The following AASDH variants were observed in gnomAD, a reference collection of about 807,000 sequenced individuals.
AASDH encodes the protein beta-alanine-activating enzyme.
AASDH carries 81 observed loss-of-function variants against 102.3 expected under a neutral mutation model. The ratio of observed to expected loss-of-function variants is 0.79; its 90% CI spans 0.66 to 0.95. The LOEUF (loss-of-function observed/expected upper bound fraction) is 0.95. AASDH is among the 40% of genes least tolerant of loss of function. The pLI is 0.00. For synonymous variants in AASDH, 398 were observed against 454.0 expected (o/e 0.88, Z 1.57); for missense variants, 1,203 against 1,266.2 (o/e 0.95, Z 0.76).
chr4:56,362,258 T>C (rs1053106845), intron 5 of AASDH, among the ~76,000 whole-genome samples: 8 of 151,978 alleles, frequency 5.3e-5, no homozygotes, highest in African/African-American at 1.9e-4. Context: ...GACAGCTTTT[T>C]TTTTCTTTGT....
Position 56,353,464 on chromosome 4 carries a change from G to C in AASDH, c.1516C>G (p.Pro506Ala), listed in dbSNP as rs1749228255. ...AGCTCATCCGGGACTGCATGACTTGGAAGATATTTCTGCAGTTCTTTAAAG... is the reference window on the plus strand; with the variant it reads ...AGCTCATCCGGGACTGCATGACTTGCAAGATATTTCTGCAGTTCTTTAAAG... ...YIFKELQKYL[P>A]SHAVPDELVL... is the part of the protein sequence containing the mutation. The change falls in exon 9 of 15, where the codon CCA becomes GCA. Residue 506 changes from proline (P) to alanine (A), a missense_variant. Physicochemically the swap from Pro to Ala is conservative, Grantham distance 27. Transcript: ENST00000205214. The C allele has an allele frequency of 6.2e-7, 1 of 1,613,884 alleles. No individual in the cohort carries two copies. Among genetic ancestry groups the C allele is most frequent in the Non-Finnish European group, 8.5e-7 (1 of 1,179,926 alleles).
intron 5 of AASDH, 132 bp downstream of exon 5, chr4:56,371,319 G>C: frequency 1.2e-6 from 1 of 868,716 alleles, no homozygotes. Flanking sequence ...ACATCCTGAG[G>C]AGACGGCCCT....
chr4:56,378,612 C>A (rs1752619817), intron 3 of AASDH, 148 bp from the exon 4 acceptor site: 5 of 692,332 alleles, frequency 7.2e-6, no homozygotes, highest in Non-Finnish European at 1.2e-5. Context: ...TCTGAAGATG[C>A]TCAAGTCCCT....
At chr4:56,377,878 C>T (rs1752535680) in intron 4 of AASDH, among the ~76,000 whole-genome samples, 1 of 152,162 alleles carries the variant, frequency 6.6e-6, no homozygotes, top group African/African-American at 2.4e-5. Flanking sequence ...AGTCTCAGCT[C>T]ACTGCAACCT....
At chr4:56,357,122 T>C (rs1749731733) in intron 5 of AASDH, among the ~76,000 whole-genome samples, 3 of 152,202 alleles carry the variant, frequency 2.0e-5, no homozygotes, top group Admixed American at 2.0e-4. Flanking sequence ...AGTAAAACCA[T>C]CACCACAATC....
intron 5 of AASDH, among the ~76,000 whole-genome samples, chr4:56,360,485 T>C (rs575269848): frequency 7.9e-5 from 12 of 152,234 alleles, no homozygotes; most frequent in Non-Finnish European, 1.6e-4. Flanking sequence ...GGGGTGGGGA[T>C]GATAGGAGCA....
At chr4:56,338,893 C>CTAT (rs1747259031) in intron 14 of AASDH, 102 bp from the exon 15 acceptor site, 2 of 1,163,138 alleles carry the variant, frequency 1.7e-6, no homozygotes, top group South Asian at 1.5e-5. Flanking sequence ...GAGATATAGG[C>CTAT]TATTTGAATG....
At chr4:56,363,164 C>T (rs1019285226) in intron 5 of AASDH, among the ~76,000 whole-genome samples, 6 of 152,326 alleles carry the variant, frequency 3.9e-5, no homozygotes, top group South Asian at 2.1e-4. Context: ...AAGGCGGCAG[C>T]GAGGCTGGGG....
Position 56,360,207 on chromosome 4 carries a change from C to T in AASDH, c.862-4784G>A, listed in dbSNP as rs532319241. ...CTGTCTCTTATGTGCATGAACACAGCCTCAGGTTCAGTCAGGAGTTGCATC... is the reference window on the plus strand; with the variant it reads ...CTGTCTCTTATGTGCATGAACACAGTCTCAGGTTCAGTCAGGAGTTGCATC... On this transcript the variant is annotated intron_variant, in intron 5 of 14. Coordinates refer to ENST00000205214, the MANE Select transcript of AASDH (RefSeq NM_181806.4). Among the ~76,000 whole-genome samples, 6 of 152,258 alleles carry T rather than the reference C, an allele frequency of 3.9e-5. No homozygotes were observed. In the East Asian group the frequency reaches 9.7e-4, roughly 24 times the overall value.
rs1354599856 is a variant in AASDH, at chr4:56,357,140, T to C, written c.862-1717A>G. 3.7e-4 allele frequency among the ~76,000 whole-genome samples: 57 copies of C among 152,138 alleles called. 1 individual carries two copies. Among genetic ancestry groups the C allele is most frequent in the Admixed American group, 3.7e-3 (57 of 15,270 alleles). ...AAAACCATCACCACAATCAAAATAA[T>C]GAACATAACTGTCTTAGTTGATTTG... On this transcript the variant is annotated intron_variant, in intron 5 of 14. Coordinates refer to ENST00000205214, the MANE Select transcript of AASDH (RefSeq NM_181806.4).
chr4:56,352,003 TC>T (rs1749079173), intron 9 of AASDH, among the ~76,000 whole-genome samples: 1 of 151,982 alleles, frequency 6.6e-6, no homozygotes. Context: ...AGGAAATAGT[TC>T]CATTACCTGA....
In AASDH at chr4:56,342,901, G is replaced by GCAAC; in HGVS notation, c.2837_2840dup (p.Cys947TrpfsTer53). 1 of 1,593,374 alleles carries GCAAC rather than the reference G, an allele frequency of 6.3e-7. No homozygotes were observed. Among genetic ancestry groups the GCAAC allele is most frequent in the South Asian group, 1.1e-5 (1 of 88,350 alleles). Reference sequence around the variant, plus strand: ...CACAGCCAATACAAATATACTGTGAGCAACATTGTGGGGAAGAGAAGAGTG... The same window carrying GCAAC: ...CACAGCCAATACAAATATACTGTGAGCAACCAACATTGTGGGGAAGAGAAGAGTG... On this transcript the variant is annotated frameshift_variant, in exon 14 of 15. Coordinates refer to ENST00000205214, the MANE Select transcript of AASDH (RefSeq NM_181806.4). LOFTEE classifies it high-confidence loss of function.
chr4:56,386,216 T>C (rs1436303683), intron 1 of AASDH, among the ~76,000 whole-genome samples: 1 of 152,186 alleles, frequency 6.6e-6, no homozygotes, highest in East Asian at 1.9e-4. Flanking sequence ...TCCTCAGACA[T>C]ACAATGATCA....
intron 14 of AASDH, among the ~76,000 whole-genome samples, chr4:56,342,516 T>TAAG (rs1222663790): frequency 3.9e-5 from 6 of 152,130 alleles, no homozygotes; most frequent in Non-Finnish European, 8.8e-5. Context: ...AAACTGGTAA[T>TAAG]ATTTTAAAAA....
rs914319900 is a variant in AASDH, at chr4:56,338,340, G to A, written c.*62C>T. The A allele has an allele frequency of 7.2e-6, 11 of 1,533,038 alleles. No individual in the cohort carries two copies. In the African/African-American group the frequency reaches 1.2e-4, roughly 17 times the overall value. The allele number at this position is 1,533,038 out of a possible 1,614,324, so 95.0% of individuals were successfully genotyped here. A position where few individuals can be genotyped will look rare whatever the true frequency, so the allele number is the denominator to read the frequency against. On this transcript the variant is annotated 3_prime_UTR_variant, in exon 15 of 15. Coordinates refer to ENST00000205214, the MANE Select transcript of AASDH (RefSeq NM_181806.4). ...TTAATATAAAATAAGTCCACATGATGTATAATGGTAAAATATTTTCAAATA... is the reference window on the plus strand; with the variant it reads ...TTAATATAAAATAAGTCCACATGATATATAATGGTAAAATATTTTCAAATA...
intron 9 of AASDH, among the ~76,000 whole-genome samples, chr4:56,351,887 A>G (rs1347476952): frequency 1.3e-5 from 2 of 150,592 alleles, no homozygotes; most frequent in Non-Finnish European, 3.0e-5. Context: ...ACTGCATTCC[A>G]GCTTGGGTGA....
At position 56,387,430 on chromosome 4, in the gene AASDH, C is replaced by T. The variant is rs1222928273; in HGVS notation, c.-111G>A. ...CCCGGATAGCTCGTCGCGGATACTT[C>T]TCACAGCGAAGCAGCAGCTCCCAGA... On this transcript the variant is annotated 5_prime_UTR_variant, in exon 1 of 15. Transcript: ENST00000205214. 1 of 152,264 alleles carries T rather than the reference C, an allele frequency of 6.6e-6. No individual in the cohort carries two copies. The highest frequency in any genetic ancestry group is 2.4e-5 in the African/African-American group (1 of 41,446). 9.4% of individuals were successfully genotyped at this position (152,264 alleles called of 1,614,324 possible). A position where few individuals can be genotyped will look rare whatever the true frequency, so the allele number is the denominator to read the frequency against.
chr4:56,356,509 G>T (rs1749658422), intron 5 of AASDH: 1 of 1,148,390 alleles, frequency 8.7e-7, no homozygotes, highest in East Asian at 2.4e-5. Flanking sequence ...GCTGGCAAAG[G>T]GGATGTCCCC....
chr4:56,355,503 T>G, intron 5 of AASDH, 80 bp from the exon 6 acceptor site: 1 of 1,365,304 alleles, frequency 7.3e-7, no homozygotes, highest in African/African-American at 1.5e-5. Flanking sequence ...TATTTCAAAG[T>G]TAACATTTGG....
Sources: allele counts gnomAD v4.1 joint callset (sites outside exome capture counted in the v4.1 genomes callset), GRCh38; gene constraint gnomAD v4.1.1; transcripts MANE v1.5; gene names NCBI Gene and HGNC (gene_info 2026-07-23, HGNC 2026-07-21).